The following CHL1 variants were observed in gnomAD, a reference collection of about 807,000 sequenced individuals.
CHL1 encodes cell adhesion molecule L1 like.
CHL1 carries 96 observed loss-of-function variants against 141.9 expected under a neutral mutation model. That is an observed-to-expected ratio of 0.68 (90% CI 0.57 to 0.80). The LOEUF (loss-of-function observed/expected upper bound fraction) is 0.80, where lower values mean the gene tolerates loss of function less well. CHL1 is among the 30% of genes least tolerant of loss of function. CHL1 has a pLI of 0.00. For synonymous variants in CHL1, 613 were observed against 502.2 expected (o/e 1.22, Z -2.95); for missense variants, 1,820 against 1,457.2 (o/e 1.25, Z -4.05).
intron 2 of CHL1, among the ~76,000 whole-genome samples, chr3:290,118 T>G (rs1697549818): frequency 1.3e-5 from 2 of 152,188 alleles, no homozygotes; most frequent in South Asian, 4.2e-4. Flanking sequence ...TAGGGAGCAC[T>G]TCTGCATTAT....
intron 1 of CHL1, chr3:198,019 C>G: frequency 2.9e-6 from 1 of 344,616 alleles, no homozygotes; most frequent in Non-Finnish European, 5.8e-6. Flanking sequence ...GCCACAGTGT[C>G]TCAGCCAGGG....
chr3:390,548 C>A (rs750586699), intron 20 of CHL1, among the ~76,000 whole-genome samples, 153 bp from the exon 21 acceptor site: 4 of 152,302 alleles, frequency 2.6e-5, no homozygotes, highest in Admixed American at 6.5e-5. Context: ...GGCTGATAAA[C>A]TTATCTATCA....
intron 2 of CHL1, among the ~76,000 whole-genome samples, chr3:255,093 T>C (rs1477089316): frequency 2.0e-5 from 3 of 152,218 alleles, no homozygotes; most frequent in African/African-American, 7.2e-5. Flanking sequence ...ATTCAAGACT[T>C]GAAAGATTAA....
At chr3:358,602 A>C (rs944643525) in intron 11 of CHL1, among the ~76,000 whole-genome samples, 1 of 152,106 alleles carries the variant, frequency 6.6e-6, no homozygotes, top group Non-Finnish European at 1.5e-5. Context: ...CATTCCAATA[A>C]GTATTTACTG....
intron 2 of CHL1, among the ~76,000 whole-genome samples, chr3:306,423 CT>C (rs1287841412): frequency 6.6e-6 from 1 of 152,010 alleles, no homozygotes; most frequent in Non-Finnish European, 1.5e-5. Context: ...ATACCTATAC[CT>C]TTTTGAATTT....
intron 1 of CHL1, among the ~76,000 whole-genome samples, chr3:236,663 G>C (rs753726933): frequency 6.6e-6 from 1 of 152,072 alleles, no homozygotes; most frequent in Non-Finnish European, 1.5e-5. Flanking sequence ...ACAGGCCAAG[G>C]TTGTAGAAAA....
intron 2 of CHL1, among the ~76,000 whole-genome samples, chr3:296,119 T>C (rs1698165334): frequency 1.3e-5 from 2 of 152,186 alleles, no homozygotes; most frequent in African/African-American, 4.8e-5. Context: ...CTTTGGAATA[T>C]ACTGCTTGAG....
chr3:239,125 T>C (rs759340140), intron 1 of CHL1, among the ~76,000 whole-genome samples: 1 of 152,054 alleles, frequency 6.6e-6, no homozygotes, highest in African/African-American at 2.4e-5. Flanking sequence ...CGGAGACTGA[T>C]CTCAAGTGTC....
chr3:257,473 C>T (rs574290970), intron 2 of CHL1, among the ~76,000 whole-genome samples: 12 of 151,928 alleles, frequency 7.9e-5, no homozygotes, highest in Non-Finnish European at 1.6e-4. Context: ...CCTGCCTCAG[C>T]CTCCCAAGTA....
chr3:405,853 A>G lies in CHL1; in HGVS notation c.*142A>G. ...AAGTCAACATCCTGCAATTATGTTG[A>G]AAAGAGTAGTACTTTCTTCAAAATA... On this transcript the variant is annotated 3_prime_UTR_variant, in exon 28 of 28. Coordinates refer to ENST00000256509, the MANE Select transcript of CHL1 (RefSeq NM_006614.4). 3 of 624,908 alleles carry G rather than the reference A, an allele frequency of 4.8e-6. No individual in the cohort carries two copies. Among genetic ancestry groups the G allele is most frequent in the East Asian group, 2.8e-5 (1 of 36,174 alleles). The allele number at this position is 624,908 out of a possible 1,614,324, so 38.7% of individuals were successfully genotyped here. A position where few individuals can be genotyped will look rare whatever the true frequency, so the allele number is the denominator to read the frequency against.
intron 2 of CHL1, among the ~76,000 whole-genome samples, chr3:294,502 A>G (rs1698002125): frequency 6.6e-6 from 1 of 152,202 alleles, no homozygotes; most frequent in African/African-American, 2.4e-5. Flanking sequence ...TAAAACGGTA[A>G]CCACAAACAG....
intron 2 of CHL1, among the ~76,000 whole-genome samples, chr3:264,593 G>A (rs897507002): frequency 2.6e-5 from 4 of 152,166 alleles, no homozygotes; most frequent in African/African-American, 4.8e-5. Flanking sequence ...GATTGAAGAA[G>A]TAAATTCTCA....
chr3:379,633 T>G (rs937134871), intron 16 of CHL1, among the ~76,000 whole-genome samples: 3 of 152,114 alleles, frequency 2.0e-5, no homozygotes, highest in African/African-American at 7.2e-5. Context: ...CTTACAAAAT[T>G]TAAAAGTTCA....
At chr3:320,691 TTG>T (rs1436790093) in intron 3 of CHL1, among the ~76,000 whole-genome samples, 8 of 152,102 alleles carry the variant, frequency 5.3e-5, no homozygotes, top group South Asian at 2.1e-4. Context: ...TAGTGAGACT[TTG>T]TTTTTTTAAA....
At chr3:197,908 G>A (rs1698519786) in intron 1 of CHL1, 1 of 425,256 alleles carries the variant, frequency 2.4e-6, no homozygotes, top group Non-Finnish European at 4.7e-6. Context: ...TGTGCGTGGG[G>A]AGGCAGCACG....
At chr3:372,569 G>A (rs146303244) in intron 15 of CHL1, among the ~76,000 whole-genome samples, 12 of 152,196 alleles carry the variant, frequency 7.9e-5, no homozygotes, top group African/African-American at 2.6e-4. Context: ...CTTTAGGTCA[G>A]CATAGTTTTT....
rs547713993 is a variant in CHL1 at position 353,111 on chromosome 3, T to C, written c.1034-1529T>C. 3.9e-5 allele frequency among the ~76,000 whole-genome samples: 6 copies of C among 152,306 alleles called. 1 individual carries two copies. Among genetic ancestry groups the C allele is most frequent in the African/African-American group, 1.4e-4 (6 of 41,562 alleles). ...TTGGATGACGTGATAATTTGGAACCTCTTTCAGTAATACTAATATTACTAA... is the reference window on the plus strand; with the variant it reads ...TTGGATGACGTGATAATTTGGAACCCCTTTCAGTAATACTAATATTACTAA... On this transcript the variant is annotated intron_variant, in intron 10 of 27. Transcript: ENST00000256509.
chr3:389,495 T>G, intron 20 of CHL1, 21 bp downstream of exon 20: 1 of 1,566,446 alleles, frequency 6.4e-7, no homozygotes, highest in Non-Finnish European at 8.8e-7. Context: ...CACCTAAAAC[T>G]GCTAAGCACG....
intron 2 of CHL1, among the ~76,000 whole-genome samples, chr3:314,146 T>A (rs1350408583): frequency 6.6e-6 from 1 of 151,730 alleles, no homozygotes; most frequent in Non-Finnish European, 1.5e-5. Flanking sequence ...TTTGTCTACC[T>A]TTTGCCTAAA....
Sources: gnomAD v4.1 joint callset for allele counts (sites outside exome capture counted in the v4.1 genomes callset) on GRCh38, gnomAD v4.1.1 for gene constraint, MANE v1.5 for transcripts, NCBI Gene and HGNC (gene_info 2026-07-23, HGNC 2026-07-21) for gene names.